The following CCSER1 variants were observed in gnomAD, a reference collection of about 807,000 sequenced individuals.
CCSER1 encodes the protein serine-rich coiled-coil domain-containing protein 1.
In CCSER1, 41 loss-of-function variants were observed where a neutral mutation model predicts 82.0. The ratio of observed to expected loss-of-function variants is 0.50; its 90% CI spans 0.39 to 0.65. The LOEUF is 0.65. Ranked by LOEUF, CCSER1 falls within the 30% of genes least tolerant of loss-of-function variation. CCSER1 has a pLI of 0.00. For synonymous variants in CCSER1, 414 were observed against 383.9 expected, an observed-to-expected ratio of 1.08 and a Z score of -0.92; for missense variants, 1,119 against 1,064.2, an observed-to-expected ratio of 1.05 and a Z score of -0.72.
At chr4:90,570,077 C>T (rs1275288881) in intron 5 of CCSER1, among the ~76,000 whole-genome samples, 1 of 152,178 alleles carries the variant, frequency 6.6e-6, no homozygotes, top group African/African-American at 2.4e-5. Context: ...ATGGCCTGAG[C>T]ATGAACAAGG....
At chr4:90,602,208 A>T (rs1183333926) in intron 5 of CCSER1, among the ~76,000 whole-genome samples, 2 of 152,114 alleles carry the variant, frequency 1.3e-5, no homozygotes, top group African/African-American at 4.8e-5. Flanking sequence ...TTAGCTGCAA[A>T]GCACATTTAA....
At chr4:91,203,475 A>T (rs911435270) in intron 10 of CCSER1, among the ~76,000 whole-genome samples, 1 of 151,796 alleles carries the variant, frequency 6.6e-6, no homozygotes. Flanking sequence ...GGCCTCATGG[A>T]GGTTATATTC....
At chr4:91,208,469 C>T (rs544532352) in intron 10 of CCSER1, among the ~76,000 whole-genome samples, 40 of 151,840 alleles carry the variant, frequency 2.6e-4, no homozygotes, top group African/African-American at 8.9e-4. Context: ...CTGAGCACCA[C>T]TTATCGAATA....
intron 10 of CCSER1, among the ~76,000 whole-genome samples, chr4:91,486,721 T>C (rs1377459753): frequency 1.3e-5 from 2 of 152,090 alleles, no homozygotes; most frequent in African/African-American, 2.4e-5. Context: ...AGGTCGTGGA[T>C]AGATTTTATG....
chr4:90,588,808 C>T (rs1433344108), intron 5 of CCSER1, among the ~76,000 whole-genome samples: 2 of 152,222 alleles, frequency 1.3e-5, no homozygotes, highest in East Asian at 1.9e-4. Context: ...TCTTGCCTGC[C>T]GCTATGTAAG....
chr4:90,822,419 T>C (rs530066403), intron 8 of CCSER1, among the ~76,000 whole-genome samples: 3 of 152,252 alleles, frequency 2.0e-5, no homozygotes, highest in South Asian at 4.1e-4. Flanking sequence ...GCTTTCTATG[T>C]CTATTTCTGT....
chr4:90,729,394 T>A (rs1225350116), intron 7 of CCSER1, among the ~76,000 whole-genome samples: 1 of 152,222 alleles, frequency 6.6e-6, no homozygotes, highest in Non-Finnish European at 1.5e-5. Flanking sequence ...AGTCATGCTA[T>A]TTATTTTATA....
At chr4:90,381,484 G>A (rs2153531872) in intron 3 of CCSER1, among the ~76,000 whole-genome samples, 1 of 152,198 alleles carries the variant, frequency 6.6e-6, no homozygotes, top group South Asian at 2.1e-4. Flanking sequence ...ATATGGGTGA[G>A]TATGTTTATA....
At chr4:90,570,560 C>T (rs1238242723) in intron 5 of CCSER1, among the ~76,000 whole-genome samples, 1 of 152,136 alleles carries the variant, frequency 6.6e-6, no homozygotes, top group Non-Finnish European at 1.5e-5. Context: ...TGCATGCCTC[C>T]TGGTGACCTC....
At chr4:90,981,771 A>G (rs1736135732) in intron 9 of CCSER1, among the ~76,000 whole-genome samples, 3 of 151,884 alleles carry the variant, frequency 2.0e-5, no homozygotes, top group Admixed American at 2.0e-4. Flanking sequence ...GAGAGACATC[A>G]AGTGAAGCAG....
rs929793407 is a variant in CCSER1, at chr4:91,579,733, G to A, written c.2218-18839G>A. ...TTTTCTGCAATGACTAATACCACAT[G>A]TGCAAAGATGAAGGAATGTAGCATG... On this transcript the variant is annotated intron_variant, in intron 10 of 10. Coordinates refer to ENST00000509176, the MANE Select transcript of CCSER1 (RefSeq NM_001145065.2). 3.3e-5 allele frequency among the ~76,000 whole-genome samples: 5 copies of A among 151,838 alleles called. No homozygotes were observed. In the South Asian group the frequency reaches 8.3e-4, roughly 25 times the overall value.
chr4:90,407,515 C>T (rs189841431), intron 4 of CCSER1, among the ~76,000 whole-genome samples: 20 of 152,278 alleles, frequency 1.3e-4, no homozygotes, highest in African/African-American at 4.6e-4. Context: ...AAGCCAGTAT[C>T]ACCCTGATAC....
chr4:90,486,288 T>A (rs1014490117), intron 5 of CCSER1, among the ~76,000 whole-genome samples: 1 of 152,250 alleles, frequency 6.6e-6, no homozygotes, highest in Non-Finnish European at 1.5e-5. Context: ...TAACCTCTTA[T>A]GTATAGGTTC....
intron 10 of CCSER1, among the ~76,000 whole-genome samples, chr4:91,300,609 A>T (rs1744593205): frequency 6.6e-6 from 1 of 151,924 alleles, no homozygotes; most frequent in Admixed American, 6.6e-5. Flanking sequence ...GAGGGATACT[A>T]TTTAAAAATA....
At chr4:90,467,623 C>T (rs549870627) in intron 4 of CCSER1, among the ~76,000 whole-genome samples, 1 of 151,482 alleles carries the variant, frequency 6.6e-6, no homozygotes, top group East Asian at 2.0e-4. Context: ...GCGGAGGTTG[C>T]AGTGAGCCAA....
chr4:91,564,279 TA>T (rs2110262672), intron 10 of CCSER1, among the ~76,000 whole-genome samples: 1 of 152,132 alleles, frequency 6.6e-6, no homozygotes, highest in South Asian at 2.1e-4. Context: ...CACATTTTTT[TA>T]ATCCGATCTG....
intron 8 of CCSER1, among the ~76,000 whole-genome samples, chr4:90,899,955 G>A (rs997558991): frequency 1.4e-4 from 21 of 151,806 alleles, no homozygotes; most frequent in East Asian, 3.9e-4. Context: ...GGTGATACTC[G>A]TTTCCTAGAA....
intron 5 of CCSER1, among the ~76,000 whole-genome samples, chr4:90,516,903 T>C (rs1043202594): frequency 3.3e-5 from 5 of 152,148 alleles, no homozygotes; most frequent in African/African-American, 7.2e-5. Flanking sequence ...ATGGCACACA[T>C]TGTAGAGGCA....
chr4:90,747,854 C>T (rs1265438998), intron 7 of CCSER1, among the ~76,000 whole-genome samples: 2 of 146,566 alleles, frequency 1.4e-5, no homozygotes, highest in South Asian at 4.5e-4. Flanking sequence ...TTCCTGTGTC[C>T]ATGTGTTCTC....
Sources: gnomAD v4.1 joint callset for allele counts (sites outside exome capture counted in the v4.1 genomes callset) on GRCh38, gnomAD v4.1.1 for gene constraint, MANE v1.5 for transcripts, NCBI Gene and HGNC (gene_info 2026-07-23, HGNC 2026-07-21) for gene names.